Variants in LPXN observed in about 807,000 individuals in gnomAD.
LPXN encodes the protein leupaxin.
LPXN carries 28 observed loss-of-function variants against 45.6 expected under a neutral mutation model. The ratio of observed to expected loss-of-function variants is 0.61; its 90% CI spans 0.45 to 0.84. LPXN has a LOEUF of 0.84. LPXN is among the 40% of genes least tolerant of loss of function. The probability of loss-of-function intolerance (pLI) is 0.00; values close to 1 mark genes in which losing one functional copy is unlikely to be tolerated. For synonymous variants in LPXN, 166 were observed against 169.9 expected (o/e 0.98, Z 0.18); for missense variants, 459 against 475.0 (o/e 0.97, Z 0.31).
Position 58,527,369 on chromosome 11 carries a change from G to T in LPXN, c.*85C>A. The T allele has an allele frequency of 7.1e-7, 1 of 1,399,034 alleles. No homozygotes were observed. Among genetic ancestry groups the T allele is most frequent in the Non-Finnish European group, 1.0e-6 (1 of 1,002,104 alleles). The allele number at this position is 1,399,034 out of a possible 1,614,324, so 86.7% of individuals were successfully genotyped here. A position where few individuals can be genotyped will look rare whatever the true frequency, so the allele number is the denominator to read the frequency against. On this transcript the variant is annotated 3_prime_UTR_variant, in exon 9 of 9. Coordinates refer to ENST00000395074, the MANE Select transcript of LPXN (RefSeq NM_004811.3). ...TTTCTATAAGACTATTAAGCAGAAG[G>T]TCAGTAACAGAAAATTTACCCTTTC...
upstream of LPXN, among the ~76,000 whole-genome samples, chr11:58,577,115 G>T (rs1473390808): frequency 6.6e-6 from 1 of 151,868 alleles, no homozygotes; most frequent in Non-Finnish European, 1.5e-5. Context: ...TTTTTTTAGG[G>T]AATAATTCAT....
intron 7 of LPXN, among the ~76,000 whole-genome samples, chr11:58,534,381 C>T (rs1223072384): frequency 1.3e-5 from 2 of 152,170 alleles, no homozygotes; most frequent in East Asian, 1.9e-4. Flanking sequence ...CTCTCAAAAC[C>T]GCACAACTAC....
rs748093096 is a variant in LPXN at position 58,549,797 on chromosome 11, A to G, written c.731T>C (p.Phe244Ser). ...HFFCSHCGEV[F>S]GAEGFHEKDK... Reference sequence around the variant, plus strand: ...AAGTCGGGTCATACCTTCTGCACCAAACACCTCTCCGCAGTGAGAGCAGAA... The same window carrying G: ...AAGTCGGGTCATACCTTCTGCACCAGACACCTCTCCGCAGTGAGAGCAGAA... The change falls in exon 7 of 9, where the codon TTT (phenylalanine) becomes TCT (serine). Residue 244 changes from phenylalanine (F) to serine (S), a missense_variant. Transcript: ENST00000395074. 1 of 1,614,106 alleles carries G rather than the reference A, an allele frequency of 6.2e-7. No individual in the cohort carries two copies. The highest frequency in any genetic ancestry group is 1.1e-5 in the South Asian group (1 of 91,068).
intron 4 of LPXN, among the ~76,000 whole-genome samples, chr11:58,554,420 C>T (rs1241023506): frequency 2.0e-5 from 3 of 152,154 alleles, no homozygotes; most frequent in Non-Finnish European, 4.4e-5. Context: ...CCTTTCTTCC[C>T]ATCTCTTTAT....
chr11:58,527,688 AAAG>A lies in LPXN; in HGVS notation c.924_926del (p.Phe309del), dbSNP rs779996563. 9.9e-6 allele frequency: 16 copies of A among 1,614,030 alleles called. No individual in the cohort carries two copies. The highest frequency in any genetic ancestry group is 4.0e-5 in the African/African-American group (3 of 74,932). On this transcript the variant is annotated inframe_deletion, in exon 9 of 9. Coordinates refer to ENST00000395074, the MANE Select transcript of LPXN (RefSeq NM_004811.3). ...CACAGAATGGACGTCCATCCAGTTC[AAAG>A]AAGGAGCCAGTAGAAAAACTGGTGA...
At chr11:58,543,609 G>A (rs1015396084) in intron 7 of LPXN, among the ~76,000 whole-genome samples, 1 of 152,132 alleles carries the variant, frequency 6.6e-6, no homozygotes, top group Non-Finnish European at 1.5e-5. Context: ...ACAGCTTAGA[G>A]AATTTACACC....
chr11:58,545,730 G>A (rs1853857967), intron 7 of LPXN, among the ~76,000 whole-genome samples: 1 of 152,146 alleles, frequency 6.6e-6, no homozygotes, highest in South Asian at 2.1e-4. Flanking sequence ...TTGAATTTCA[G>A]TCAAAAGGCA....
At chr11:58,569,332 T>C (rs1271493525) in intron 2 of LPXN, among the ~76,000 whole-genome samples, 1 of 152,212 alleles carries the variant, frequency 6.6e-6, no homozygotes, top group Non-Finnish European at 1.5e-5. Context: ...TGAGTAAATA[T>C]AGCTGTTTTA....
At chr11:58,542,749 C>T (rs570738400) in intron 7 of LPXN, among the ~76,000 whole-genome samples, 7 of 151,724 alleles carry the variant, frequency 4.6e-5, no homozygotes, top group Admixed American at 4.6e-4. Context: ...TATGATGAAA[C>T]AACATGGAGA....
At chr11:58,527,791 T>A in intron 8 of LPXN, 68 bp from the exon 9 acceptor site, 1 of 1,484,632 alleles carries the variant, frequency 6.7e-7, no homozygotes, top group Non-Finnish European at 9.2e-7. Flanking sequence ...CAAAGTAAAA[T>A]TTTCAGCCTT....
intron 1 of LPXN, among the ~76,000 whole-genome samples, chr11:58,572,269 C>T (rs1033336371): frequency 1.3e-5 from 2 of 150,638 alleles, no homozygotes; most frequent in Admixed American, 6.6e-5. Flanking sequence ...TTCTTAATGG[C>T]GTTAGAAGAG....
At chr11:58,575,720 C>T (rs748758425) in intron 1 of LPXN, 40 bp downstream of exon 1, 2 of 1,613,118 alleles carry the variant, frequency 1.2e-6, no homozygotes, top group South Asian at 1.1e-5. Flanking sequence ...GCAGCCAAGT[C>T]TTCACTCCCT....
Position 58,527,523 on chromosome 11 carries a change from C to A in LPXN, c.1092G>T (p.Lys364Asn). The change falls in exon 9 of 9, where the codon AAG (lysine) becomes AAT (asparagine). Residue 364 changes from lysine to asparagine, a missense_variant. Coordinates refer to ENST00000395074, the MANE Select transcript of LPXN (RefSeq NM_004811.3). ...VCAFCLTQLS[K>N]GIFREQNDKT... ...TGTCATTCTGCTCCCTGAAAATGCCCTTCGACAACTGTGTCAGGCAGAAAG... is the reference window on the plus strand; with the variant it reads ...TGTCATTCTGCTCCCTGAAAATGCCATTCGACAACTGTGTCAGGCAGAAAG... The A allele has an allele frequency of 6.2e-7, 1 of 1,614,174 alleles. No homozygotes were observed. Among genetic ancestry groups the A allele is most frequent in the Non-Finnish European group, 8.5e-7 (1 of 1,180,034 alleles).
chr11:58,577,991 G>A (rs1854957535), upstream of LPXN: 4 of 1,550,062 alleles, frequency 2.6e-6, no homozygotes, highest in Non-Finnish European at 3.5e-6. Context: ...CTGACCTCTA[G>A]GAGCTCACAG....
chr11:58,538,408 A>G (rs978874353), intron 7 of LPXN, among the ~76,000 whole-genome samples: 1 of 151,862 alleles, frequency 6.6e-6, no homozygotes, highest in African/African-American at 2.4e-5. Context: ...AAGTGTTCCT[A>G]TTTCTCCACA....
At chr11:58,558,799 A>G (rs960210959) in intron 3 of LPXN, among the ~76,000 whole-genome samples, 2 of 151,882 alleles carry the variant, frequency 1.3e-5, no homozygotes, top group African/African-American at 4.8e-5. Flanking sequence ...TTAAAGATAG[A>G]TATCAATATT....
intron 7 of LPXN, among the ~76,000 whole-genome samples, chr11:58,528,399 A>G (rs1024077824): frequency 3.3e-5 from 5 of 152,236 alleles, no homozygotes; most frequent in African/African-American, 1.2e-4. Context: ...GTAAACATTT[A>G]ATAAGTGTTA....
chr11:58,548,467 A>G (rs1853940452), intron 7 of LPXN, among the ~76,000 whole-genome samples: 1 of 152,112 alleles, frequency 6.6e-6, no homozygotes. Flanking sequence ...AAGAAAAGAA[A>G]GAAACTGACT....
At chr11:58,531,741 C>T (rs1031447912) in intron 7 of LPXN, among the ~76,000 whole-genome samples, 2 of 152,212 alleles carry the variant, frequency 1.3e-5, no homozygotes, top group Admixed American at 1.3e-4. Flanking sequence ...AGAGCAACCC[C>T]AAGACACATA....
Sources: allele counts gnomAD v4.1 joint callset (sites outside exome capture counted in the v4.1 genomes callset), GRCh38; gene constraint gnomAD v4.1.1; transcripts MANE v1.5; gene names NCBI Gene and HGNC (gene_info 2026-07-23, HGNC 2026-07-21).